HS6ST3: variants seen among roughly 807,000 people sequenced by gnomAD.
HS6ST3 encodes the protein heparan sulfate 6-O-sulfotransferase 3, also known as heparan-sulfate 6-O-sulfotransferase 3.
Under a neutral mutation model 36.7 loss-of-function variants are expected in HS6ST3, and 12 were observed. That is an observed-to-expected ratio of 0.33 (90% confidence interval 0.21 to 0.53). HS6ST3 has a LOEUF of 0.53. Among genes scored for constraint, HS6ST3 ranks in the 20% least tolerant of loss-of-function variants. The pLI is 0.95. For missense variants in HS6ST3, 584 were observed against 640.9 expected (o/e 0.91, Z 0.96); for synonymous variants, 240 against 257.5 (o/e 0.93, Z 0.65).
intron 1 of HS6ST3, among the ~76,000 whole-genome samples, chr13:96,205,781 T>G (rs2054367068): frequency 6.6e-6 from 1 of 152,092 alleles, no homozygotes; most frequent in South Asian, 2.1e-4. Flanking sequence ...TGTTAAAAAC[T>G]CTCAGTAAAC....
At chr13:96,831,954 C>CAAAAAAAAAAAAAAAAAAAAAAAAAAA (rs35266831) in intron 1 of HS6ST3, among the ~76,000 whole-genome samples, 3 of 21,856 alleles carry the variant, frequency 1.4e-4, no homozygotes, top group African/African-American at 5.5e-4. Flanking sequence ...GACTCCCTCT[C>CAAAAAAAAAAAAAAAAAAAAAAAAAAA]AAAAAAAAAA....
At chr13:96,525,569 C>T (rs944008889) in intron 1 of HS6ST3, among the ~76,000 whole-genome samples, 2 of 152,316 alleles carry the variant, frequency 1.3e-5, no homozygotes, top group East Asian at 1.9e-4. Flanking sequence ...CACGCAAACA[C>T]ACACACACCA....
intron 1 of HS6ST3, among the ~76,000 whole-genome samples, chr13:96,135,797 A>G (rs1332483014): frequency 6.6e-6 from 1 of 152,148 alleles, no homozygotes; most frequent in Non-Finnish European, 1.5e-5. Flanking sequence ...TTTATTGAGG[A>G]CTTACAGGGA....
intron 1 of HS6ST3, among the ~76,000 whole-genome samples, chr13:96,545,535 T>C (rs1222975894): frequency 1.3e-5 from 2 of 152,192 alleles, no homozygotes; most frequent in African/African-American, 2.4e-5. Flanking sequence ...CCAGTGGAGA[T>C]CAGACTTAAG....
At chr13:96,589,536 T>G (rs1405122136) in intron 1 of HS6ST3, among the ~76,000 whole-genome samples, 1 of 152,058 alleles carries the variant, frequency 6.6e-6, no homozygotes, top group Non-Finnish European at 1.5e-5. Flanking sequence ...TTTTATTTAT[T>G]TCTGTTTGGG....
intron 1 of HS6ST3, among the ~76,000 whole-genome samples, chr13:96,700,220 G>C (rs9554359): frequency 6.6e-6 from 1 of 152,132 alleles, no homozygotes; most frequent in African/African-American, 2.4e-5. Flanking sequence ...CAATCATGGC[G>C]GAAGGCAAAA....
Position 96,091,338 on chromosome 13 carries a change from C to T in HS6ST3, c.476C>T (p.Thr159Ile). The change falls in exon 1 of 2, where the codon ACC (threonine) becomes ATC (isoleucine). Residue 159 changes from threonine to isoleucine, a missense_variant. Physicochemically the swap from Thr to Ile is moderately conservative, Grantham distance 89. Coordinates refer to ENST00000376705, the MANE Select transcript of HS6ST3 (RefSeq NM_153456.4). ...CTCCACATCCAGAAGACGGGGGGCACCACTTTCGGCCGGCACCTGGTGAAG... is the reference window on the plus strand; with the variant it reads ...CTCCACATCCAGAAGACGGGGGGCATCACTTTCGGCCGGCACCTGGTGAAG... ...VFLHIQKTGG[T>I]TFGRHLVKNI... The T allele has an allele frequency of 6.2e-7, 1 of 1,614,086 alleles. No homozygotes were observed.
intron 1 of HS6ST3, among the ~76,000 whole-genome samples, chr13:96,286,941 AGTGTGTGTGC>A (rs1040284683): frequency 1.3e-5 from 2 of 151,788 alleles, no homozygotes; most frequent in East Asian, 1.9e-4. Flanking sequence ...CATGCGTGTG[AGTGTGTGTGC>A]GTGTGTGTGT....
chr13:96,596,921 T>G (rs1368818131), intron 1 of HS6ST3, among the ~76,000 whole-genome samples: 2 of 152,124 alleles, frequency 1.3e-5, no homozygotes, highest in Admixed American at 1.3e-4. Context: ...AGCAAAGACA[T>G]AGATTCAAAC....
At chr13:96,612,970 A>G (rs658122) in intron 1 of HS6ST3, among the ~76,000 whole-genome samples, 31,573 of 152,026 alleles carry the variant, frequency 0.21, 4,100 homozygotes, top group South Asian at 0.31. Flanking sequence ...TCACAAGTCT[A>G]TCCCTCTTCC....
At chr13:96,251,229 GGA>G (rs1453574627) in intron 1 of HS6ST3, among the ~76,000 whole-genome samples, 1 of 151,872 alleles carries the variant, frequency 6.6e-6, no homozygotes, top group African/African-American at 2.4e-5. Flanking sequence ...TTTCCTTTTG[GGA>G]GAGTCTTTAA....
In HS6ST3 at chr13:96,331,977, G is replaced by A. The variant is rs185859871; in HGVS notation, c.707+240408G>A. Among the ~76,000 whole-genome samples the A allele has an allele frequency of 4.9e-3, 752 of 152,294 alleles. 1 individual carries two copies. Among genetic ancestry groups the A allele is most frequent in the Admixed American group, 0.013 (192 of 15,290 alleles). ...CGTCAGTCACCCCTTTCTTTGACTC[G>A]GAAAGGGAACTCCCTGACCCCTTGC... On this transcript the variant is annotated intron_variant, in intron 1 of 1. Coordinates refer to ENST00000376705, the MANE Select transcript of HS6ST3 (RefSeq NM_153456.4).
intron 1 of HS6ST3, among the ~76,000 whole-genome samples, chr13:96,235,594 G>GT (rs202088131): frequency 0.011 from 1,732 of 151,800 alleles, 19 homozygotes; most frequent in East Asian, 0.055. Context: ...AGCATGGGTT[G>GT]TTTTTTTTCC....
chr13:96,185,960 C>A (rs2054263097), intron 1 of HS6ST3, among the ~76,000 whole-genome samples: 1 of 151,946 alleles, frequency 6.6e-6, no homozygotes, highest in East Asian at 1.9e-4. Context: ...TGGAGTAGGT[C>A]TAAATAAAGT....
At chr13:96,451,826 C>T (rs1298454840) in intron 1 of HS6ST3, among the ~76,000 whole-genome samples, 1 of 152,090 alleles carries the variant, frequency 6.6e-6, no homozygotes, top group African/African-American at 2.4e-5. Flanking sequence ...GAAATTTATA[C>T]TAGGAGGTTT....
intron 1 of HS6ST3, among the ~76,000 whole-genome samples, chr13:96,675,662 C>T (rs999674023): frequency 1.3e-5 from 2 of 152,076 alleles, no homozygotes; most frequent in African/African-American, 2.4e-5. Context: ...CAATGTAAGA[C>T]CCTCTGCATA....
At chr13:96,403,818 G>T (rs911855067) in intron 1 of HS6ST3, among the ~76,000 whole-genome samples, 4 of 152,124 alleles carry the variant, frequency 2.6e-5, no homozygotes, top group Non-Finnish European at 5.9e-5. Context: ...ATACATACTT[G>T]GAAAATGTGT....
At chr13:96,392,262 C>T (rs2055399670) in intron 1 of HS6ST3, among the ~76,000 whole-genome samples, 1 of 152,140 alleles carries the variant, frequency 6.6e-6, no homozygotes, top group African/African-American at 2.4e-5. Flanking sequence ...GACCTGGCCA[C>T]ATTAAATAAG....
intron 1 of HS6ST3, among the ~76,000 whole-genome samples, chr13:96,561,254 C>T (rs1030824859): frequency 4.6e-5 from 7 of 152,020 alleles, no homozygotes; most frequent in African/African-American, 9.7e-5. Context: ...ATCTGATCTT[C>T]GGTAAAGTCC....
Sources: allele counts gnomAD v4.1 joint callset (sites outside exome capture counted in the v4.1 genomes callset), GRCh38; gene constraint gnomAD v4.1.1; transcripts MANE v1.5; gene names NCBI Gene and HGNC (gene_info 2026-07-23, HGNC 2026-07-21).